DLGAP2: variants seen among roughly 807,000 people sequenced by gnomAD.
DLGAP2 encodes the protein DLG associated protein 2.
In DLGAP2, 26 loss-of-function variants were observed where a neutral mutation model predicts 100.3. The observed-to-expected ratio is 0.26, with a 90% CI of 0.19 to 0.36. DLGAP2 has a LOEUF of 0.36. DLGAP2 is among the 10% of genes least tolerant of loss of function. The pLI, the probability that DLGAP2 is intolerant of heterozygous loss-of-function variation, is 1.00. For synonymous variants in DLGAP2, 886 were observed against 630.1 expected (o/e 1.41, Z -6.08); for missense variants, 1,858 against 1,453.2 (o/e 1.28, Z -4.53).
intron 2 of DLGAP2, among the ~76,000 whole-genome samples, chr8:1,181,472 C>G (rs1272707495): frequency 6.6e-6 from 1 of 152,026 alleles, no homozygotes; most frequent in African/African-American, 2.4e-5. Context: ...AGTATTCTCA[C>G]CTCTAAGTGG....
intron 3 of DLGAP2, among the ~76,000 whole-genome samples, chr8:1,355,961 C>T (rs914695171): frequency 6.6e-6 from 1 of 152,080 alleles, no homozygotes; most frequent in Non-Finnish European, 1.5e-5. Flanking sequence ...TGGGAAGCAC[C>T]GGTGGCCTCA....
At chr8:1,054,411 A>G (rs1477616381) in intron 2 of DLGAP2, among the ~76,000 whole-genome samples, 1 of 152,194 alleles carries the variant, frequency 6.6e-6, no homozygotes. Context: ...GGCTCCAAGC[A>G]TCTTAGATTT....
chr8:1,537,906 G>A (rs1801211484), intron 4 of DLGAP2, among the ~76,000 whole-genome samples: 1 of 152,218 alleles, frequency 6.6e-6, no homozygotes, highest in Non-Finnish European at 1.5e-5. Flanking sequence ...GCTCATAGGA[G>A]AAGAAAGCTC....
intron 2 of DLGAP2, among the ~76,000 whole-genome samples, chr8:1,175,929 A>C (rs898978923): frequency 6.6e-6 from 1 of 152,234 alleles, no homozygotes; most frequent in Non-Finnish European, 1.5e-5. Context: ...CGGCTTTGCC[A>C]TCTGCAAAGT....
intron 1 of DLGAP2, among the ~76,000 whole-genome samples, chr8:805,378 G>C (rs1288844481): frequency 2.0e-5 from 3 of 152,050 alleles, no homozygotes; most frequent in African/African-American, 7.3e-5. Context: ...AGTTTCTTTG[G>C]GGCTGGGGCT....
At chr8:837,273 C>T (rs1243594756) in intron 1 of DLGAP2, among the ~76,000 whole-genome samples, 2 of 152,212 alleles carry the variant, frequency 1.3e-5, no homozygotes, top group South Asian at 2.1e-4. Context: ...GTCCTCGGAC[C>T]TGTGCAGCCT....
chr8:1,616,590 C>T (rs573521730), intron 6 of DLGAP2, among the ~76,000 whole-genome samples: 72 of 152,220 alleles, frequency 4.7e-4, no homozygotes, highest in African/African-American at 1.6e-3. Flanking sequence ...GGAATCATAC[C>T]TTTAAAGTGA....
chr8:1,063,066 G>A (rs1455033316), intron 2 of DLGAP2, among the ~76,000 whole-genome samples: 1 of 152,342 alleles, frequency 6.6e-6, no homozygotes, highest in African/African-American at 2.4e-5. Flanking sequence ...TGAGAAGCCT[G>A]TGGAAACGGC....
intron 2 of DLGAP2, among the ~76,000 whole-genome samples, chr8:945,205 G>A (rs753788317): frequency 1.3e-5 from 2 of 152,182 alleles, no homozygotes; most frequent in African/African-American, 4.8e-5. Flanking sequence ...AGTGTGAGCA[G>A]TGTTTTAAAT....
At chr8:1,197,326 A>G (rs80141369) in intron 2 of DLGAP2, among the ~76,000 whole-genome samples, 8,708 of 152,182 alleles carry the variant, frequency 0.057, 727 homozygotes, top group African/African-American at 0.18. Context: ...ATTCACCACG[A>G]CACCCTCCCT....
chr8:1,131,402 C>T (rs184227278), intron 2 of DLGAP2, among the ~76,000 whole-genome samples: 6 of 152,246 alleles, frequency 3.9e-5, no homozygotes, highest in South Asian at 4.2e-4. Context: ...CCCTGGCTTG[C>T]GGGAGGCGCT....
chr8:1,045,673 T>G (rs1438629794), intron 2 of DLGAP2, among the ~76,000 whole-genome samples: 1 of 152,222 alleles, frequency 6.6e-6, no homozygotes, highest in Non-Finnish European at 1.5e-5. Context: ...CACCCTTCTA[T>G]TCGCTGCTTC....
intron 2 of DLGAP2, among the ~76,000 whole-genome samples, chr8:966,859 T>C (rs1218277974): frequency 6.6e-6 from 1 of 152,256 alleles, no homozygotes; most frequent in Non-Finnish European, 1.5e-5. Context: ...TGTCTGTATG[T>C]AAAATATACT....
intron 1 of DLGAP2, among the ~76,000 whole-genome samples, chr8:876,635 G>A (rs934643433): frequency 2.4e-4 from 36 of 152,140 alleles, no homozygotes; most frequent in African/African-American, 8.7e-4. Context: ...TTTTATCCTT[G>A]TTGGAGTTTG....
At chr8:1,667,839 C>T (rs1220018012) in intron 8 of DLGAP2, among the ~76,000 whole-genome samples, 3 of 152,246 alleles carry the variant, frequency 2.0e-5, no homozygotes, top group Non-Finnish European at 2.9e-5. Context: ...CCTGCGGGGA[C>T]ACACCTTGCC....
At chr8:1,660,250 C>A (rs571485057) in intron 8 of DLGAP2, among the ~76,000 whole-genome samples, 1 of 152,196 alleles carries the variant, frequency 6.6e-6, no homozygotes, top group South Asian at 2.1e-4. Context: ...TGTAACCTGA[C>A]CTTTCTCTCT....
At chr8:1,699,475 G>A (rs965238726) in intron 14 of DLGAP2, among the ~76,000 whole-genome samples, 142 of 151,934 alleles carry the variant, frequency 9.3e-4, no homozygotes, top group Non-Finnish European at 8.4e-4. Flanking sequence ...TTAGCCAGGC[G>A]TGGTGGTGGG....
At chr8:1,379,053 A>T (rs1796030201) in intron 3 of DLGAP2, among the ~76,000 whole-genome samples, 1 of 152,254 alleles carries the variant, frequency 6.6e-6, no homozygotes. Context: ...GAAAAAATTC[A>T]ATTTCTTTCC....
chr8:1,056,559 A>G (rs1291949691), intron 2 of DLGAP2, among the ~76,000 whole-genome samples: 1 of 152,358 alleles, frequency 6.6e-6, no homozygotes, highest in Non-Finnish European at 1.5e-5. Flanking sequence ...CAGGACTCCA[A>G]CTAATGACTT....
Sources: allele counts gnomAD v4.1 joint callset (sites outside exome capture counted in the v4.1 genomes callset), GRCh38; gene constraint gnomAD v4.1.1; transcripts MANE v1.5; gene names NCBI Gene and HGNC (gene_info 2026-07-23, HGNC 2026-07-21).